Variants in DIAPH2 observed in about 807,000 individuals in gnomAD.
DIAPH2 encodes diaphanous related formin 2, also known as protein diaphanous homolog 2.
DIAPH2 carries 35 observed loss-of-function variants against 92.7 expected under a neutral mutation model. That is an observed-to-expected ratio of 0.38 (90% CI 0.29 to 0.50). The LOEUF (loss-of-function observed/expected upper bound fraction) is 0.50, where lower values mean the gene tolerates loss of function less well. Ranked by LOEUF, DIAPH2 falls within the 20% of genes least tolerant of loss-of-function variation. DIAPH2 has a pLI of 0.94. For missense variants in DIAPH2, 701 were observed against 819.5 expected (o/e 0.86, Z 1.77); for synonymous variants, 301 against 280.4 (o/e 1.07, Z -0.73).
chrX:97,325,733 G>A (rs1009895620), intron 23 of DIAPH2, among the ~76,000 whole-genome samples: 2 of 110,159 alleles, frequency 1.8e-5, no homozygotes, highest in East Asian at 2.9e-4. Flanking sequence ...GCCCGCCACC[G>A]CGCCCAGCTA....
At chrX:97,273,189 C>A (rs1269513800) in intron 23 of DIAPH2, among the ~76,000 whole-genome samples, 2 of 111,980 alleles carry the variant, frequency 1.8e-5, no homozygotes, top group Non-Finnish European at 1.9e-5. Flanking sequence ...AAATAAATAT[C>A]CTTGTCAACA....
chrX:97,185,357 G>GTGTATATATGTGTGTA (rs56151253), intron 22 of DIAPH2, among the ~76,000 whole-genome samples: 2 of 19,629 alleles, frequency 1.0e-4, no homozygotes, highest in Non-Finnish European at 1.5e-4. Flanking sequence ...ATATATGTGT[G>GTGTATATATGTGTGTA]TATATATATA....
intron 17 of DIAPH2, among the ~76,000 whole-genome samples, chrX:97,027,749 T>G (rs912770978): frequency 6.2e-5 from 7 of 112,111 alleles, no homozygotes; most frequent in Admixed American, 1.9e-4. Flanking sequence ...TTAGAGAGCA[T>G]CGGTAGCCAT....
intron 23 of DIAPH2, among the ~76,000 whole-genome samples, chrX:97,318,295 C>A (rs1001955923): frequency 3.7e-5 from 4 of 107,707 alleles, no homozygotes; most frequent in Non-Finnish European, 7.7e-5. Context: ...CCTGCCACCA[C>A]ACCCGGCTAA....
chrX:97,035,269 A>G (rs2066402737), intron 17 of DIAPH2, among the ~76,000 whole-genome samples: 1 of 111,929 alleles, frequency 8.9e-6, no homozygotes, highest in Non-Finnish European at 1.9e-5. Flanking sequence ...GATCTATGGG[A>G]CGCCTTCATT....
chrX:96,763,077 T>A, intron 4 of DIAPH2: 2 of 957,508 alleles, frequency 2.1e-6, no homozygotes, highest in Non-Finnish European at 2.7e-6. Flanking sequence ...CCATAACCAC[T>A]CTTCGTTGAC....
In DIAPH2 at chrX:97,348,363, A is replaced by G. The variant is rs189391381; in HGVS notation, c.3009+83A>G. ...CCTTCTATTGTCATTTTATGTTCCTATTGACTATATTGATTTCATGTGACA... is the reference window on the plus strand; with the variant it reads ...CCTTCTATTGTCATTTTATGTTCCTGTTGACTATATTGATTTCATGTGACA... On this transcript the variant is annotated intron_variant, in intron 24 of 26. Transcript: ENST00000324765. 43 of 814,133 alleles carry G rather than the reference A, an allele frequency of 5.3e-5. No homozygotes were observed. In the East Asian group the frequency reaches 1.0e-3, roughly 19 times the overall value. 67.1% of individuals were successfully genotyped at this position (814,133 alleles called of 1,213,427 possible).
intron 4 of DIAPH2, among the ~76,000 whole-genome samples, chrX:96,812,389 C>G (rs2064691105): frequency 9.0e-6 from 1 of 111,226 alleles, no homozygotes; most frequent in African/African-American, 3.3e-5. Context: ...TTTTTTATTG[C>G]ATCTATTCAA....
intron 4 of DIAPH2, among the ~76,000 whole-genome samples, chrX:96,816,570 A>G (rs1228248198): frequency 8.9e-6 from 1 of 112,506 alleles, no homozygotes; most frequent in Non-Finnish European, 1.9e-5. Flanking sequence ...AAGACAGGCA[A>G]TAACAAATGC....
chrX:97,022,336 A>G (rs1257467364), intron 17 of DIAPH2, among the ~76,000 whole-genome samples: 1 of 112,049 alleles, frequency 8.9e-6, no homozygotes, highest in East Asian at 2.8e-4. Flanking sequence ...GTGTTGTCCA[A>G]CCTGACCACC....
intron 4 of DIAPH2, among the ~76,000 whole-genome samples, chrX:96,766,297 A>G (rs1031512274): frequency 1.2e-4 from 13 of 109,819 alleles, no homozygotes; most frequent in African/African-American, 4.0e-4. Context: ...TTGATCCACA[A>G]TGTAAACTAT....
chrX:96,855,000 C>T (rs370826124), intron 4 of DIAPH2, among the ~76,000 whole-genome samples: 80 of 110,189 alleles, frequency 7.3e-4, no homozygotes, highest in African/African-American at 2.5e-3. Flanking sequence ...TAGCAACCAT[C>T]TTTTCTTTAA....
chrX:97,056,617 G>T (rs1194696596), intron 17 of DIAPH2, among the ~76,000 whole-genome samples: 1 of 111,263 alleles, frequency 9.0e-6, no homozygotes, highest in South Asian at 3.7e-4. Context: ...TTCTTTCATC[G>T]TTTTTAGTAA....
At chrX:96,825,357 T>TC (rs1257212200) in intron 4 of DIAPH2, among the ~76,000 whole-genome samples, 1,897 of 104,206 alleles carry the variant, frequency 0.018, 103 homozygotes, top group Admixed American at 0.13. Flanking sequence ...GTGTTTTCTT[T>TC]TTTTTTTTTT....
Position 96,945,588 on chromosome X carries a change from G to A in DIAPH2, c.1506G>A (p.Lys502=), listed in dbSNP as rs775496267. 16 of 1,145,654 alleles carry A rather than the reference G, an allele frequency of 1.4e-5. No individual in the cohort carries two copies. The highest frequency in any genetic ancestry group is 1.8e-5 in the Non-Finnish European group (16 of 866,208). The allele number at this position is 1,145,654 out of a possible 1,213,427, so 94.4% of individuals were successfully genotyped here. Residue 502 remains lysine (K), a synonymous_variant, in exon 14 of 27, where the codon AAG becomes AAA. Transcript: ENST00000324765. ...AACAAAAAGCTGCAGAGTTTTCAAA[G>A]AAGGTAAGCTTATAAAATATTAGCC... ...ESEQKAAEFS[K]KFDEEFTARQ... is the part of the protein sequence containing the mutation.
rs191745204 is a variant in DIAPH2 at position 97,586,179 on chromosome X, C to T, written c.3242-13074C>T. Among the ~76,000 whole-genome samples, 8 of 111,860 alleles carry T rather than the reference C, an allele frequency of 7.2e-5. No individual in the cohort carries two copies. In the East Asian group the frequency reaches 2.2e-3, roughly 31 times the overall value. On this transcript the variant is annotated intron_variant, in intron 26 of 26. Transcript: ENST00000324765. Reference sequence around the variant, plus strand: ...AACCTTGGTCTTGTAATATTTGTAACGGCCTGCTGGGCAGGTCCACTCAGA... The same window carrying T: ...AACCTTGGTCTTGTAATATTTGTAATGGCCTGCTGGGCAGGTCCACTCAGA...
chrX:96,772,037 CA>C (rs199782764), intron 4 of DIAPH2, among the ~76,000 whole-genome samples: 16 of 101,598 alleles, frequency 1.6e-4, no homozygotes, highest in East Asian at 3.1e-4. Context: ...GACCCTGTCT[CA>C]AAAAAAAAAA....
chrX:96,728,811 AAAG>A (rs2064037512), intron 1 of DIAPH2, among the ~76,000 whole-genome samples: 1 of 112,711 alleles, frequency 8.9e-6, no homozygotes, highest in African/African-American at 3.2e-5. Context: ...ATAGTCTAAG[AAAG>A]AAGAACTTTC....
At chrX:97,290,096 T>TATAA (rs1556018749) in intron 23 of DIAPH2, among the ~76,000 whole-genome samples, 11 of 106,405 alleles carry the variant, frequency 1.0e-4, no homozygotes, top group Admixed American at 1.0e-4. Context: ...TATATATATA[T>TATAA]AATTAGATAT....
Sources: allele counts gnomAD v4.1 joint callset (sites outside exome capture counted in the v4.1 genomes callset), GRCh38; gene constraint gnomAD v4.1.1; transcripts MANE v1.5; gene names NCBI Gene and HGNC (gene_info 2026-07-23, HGNC 2026-07-21).